ERBB4: variants seen among roughly 807,000 people sequenced by gnomAD.
ERBB4 encodes receptor tyrosine-protein kinase erbB-4.
A neutral mutation model predicts 158.0 loss-of-function variants in ERBB4; 42 were observed. That is an observed-to-expected ratio of 0.27 (90% CI 0.21 to 0.34). The LOEUF is 0.34. Ranked by LOEUF, ERBB4 falls within the 10% of genes least tolerant of loss-of-function variation. The pLI is 1.00. For missense variants in ERBB4, 1,333 were observed against 1,624.1 expected (o/e 0.82, Z 3.08); for synonymous variants, 583 against 558.7 (o/e 1.04, Z -0.61).
chr2:211,463,264 C>T (rs1296640405), intron 20 of ERBB4, among the ~76,000 whole-genome samples: 1 of 152,092 alleles, frequency 6.6e-6, no homozygotes, highest in Non-Finnish European at 1.5e-5. Context: ...TTCAAGGATT[C>T]CTGGCTCAAA....
intron 19 of ERBB4, among the ~76,000 whole-genome samples, chr2:211,615,392 T>C (rs942250107): frequency 1.3e-5 from 2 of 152,096 alleles, no homozygotes; most frequent in African/African-American, 4.8e-5. Flanking sequence ...GAAATGGTTC[T>C]GTCTGAAACA....
At chr2:211,762,840 C>G (rs1372833892) in intron 4 of ERBB4, among the ~76,000 whole-genome samples, 1 of 152,198 alleles carries the variant, frequency 6.6e-6, no homozygotes, top group East Asian at 1.9e-4. Context: ...AACCCCAATC[C>G]TAGTTTTCTC....
intron 1 of ERBB4, among the ~76,000 whole-genome samples, chr2:212,535,173 TA>T (rs1692977116): frequency 6.6e-6 from 1 of 152,068 alleles, no homozygotes; most frequent in East Asian, 1.9e-4. Flanking sequence ...GCAGTTATAC[TA>T]ACAGATATTT....
intron 1 of ERBB4, among the ~76,000 whole-genome samples, chr2:212,330,758 C>A (rs2088100726): frequency 2.0e-5 from 3 of 151,836 alleles, no homozygotes; most frequent in African/African-American, 4.8e-5. Flanking sequence ...TTAGAGATAA[C>A]TACTGTGTAA....
chr2:211,906,692 T>TGC (rs1274106249), intron 3 of ERBB4, among the ~76,000 whole-genome samples: 1 of 151,476 alleles, frequency 6.6e-6, no homozygotes, highest in Non-Finnish European at 1.5e-5. Flanking sequence ...TTTCTGATCC[T>TGC]CTCCCTCCTC....
rs143251275 is a variant in ERBB4, at chr2:211,387,081, T to C, written c.3253A>G (p.Thr1085Ala). The change falls in exon 27 of 28, where the codon ACT (threonine) becomes GCT (alanine). Residue 1085 changes from threonine (T) to alanine (A), a missense_variant. By Grantham distance (58) the Thr-to-Ala change is moderately conservative. Coordinates refer to ENST00000342788, the MANE Select transcript of ERBB4 (RefSeq NM_005235.3). ...ACAGGAGCTTCTGGAATTGTGCTAG[T>C]TGGGGCTCTGTAGGGCACAGACACT... ...QGVSVPYRAP[T>A]STIPEAPVAQ... 5.4e-5 allele frequency: 87 copies of C among 1,613,882 alleles called. No homozygotes were observed. Among genetic ancestry groups the C allele is most frequent in the Non-Finnish European group, 7.2e-5 (85 of 1,179,918 alleles).
intron 5 of ERBB4, among the ~76,000 whole-genome samples, chr2:211,736,645 A>G (rs1193213449): frequency 6.6e-6 from 1 of 152,154 alleles, no homozygotes; most frequent in African/African-American, 2.4e-5. Flanking sequence ...AGGATTCTAG[A>G]GGATATGGAA....
At chr2:211,745,622 C>A (rs988254389) in intron 5 of ERBB4, among the ~76,000 whole-genome samples, 3 of 150,482 alleles carry the variant, frequency 2.0e-5, no homozygotes, top group African/African-American at 7.3e-5. Context: ...ATAATATCGG[C>A]TATTATTGAT....
chr2:212,536,344 G>C (rs1386310985), intron 1 of ERBB4, among the ~76,000 whole-genome samples: 1 of 152,120 alleles, frequency 6.6e-6, no homozygotes, highest in Non-Finnish European at 1.5e-5. Context: ...AAGTCCCCCG[G>C]GGCATTTACA....
At chr2:212,353,485 A>G (rs1398229016) in intron 1 of ERBB4, among the ~76,000 whole-genome samples, 1 of 150,518 alleles carries the variant, frequency 6.6e-6, no homozygotes, top group Non-Finnish European at 1.5e-5. Context: ...TAAAATACAA[A>G]TTATTTCCTA....
rs367731197 is a variant in ERBB4, at chr2:212,222,362, T to C, written c.83-97459A>G. Reference sequence around the variant, plus strand: ...CATTCACATTTAAAAAATTACACAGTATATGAATTTTAGTAAATAAAATTA... The same window carrying C: ...CATTCACATTTAAAAAATTACACAGCATATGAATTTTAGTAAATAAAATTA... On this transcript the variant is annotated intron_variant, in intron 1 of 27. Transcript: ENST00000342788. Among the ~76,000 whole-genome samples the C allele has an allele frequency of 3.3e-5, 5 of 151,686 alleles. No individual in the cohort carries two copies. The South Asian group carries it at 1.0e-3, about 31-fold the overall frequency.
intron 3 of ERBB4, 113 bp from the exon 4 acceptor site, chr2:211,788,272 T>G: frequency 1.4e-6 from 1 of 740,230 alleles, no homozygotes; most frequent in Non-Finnish European, 2.4e-6. Flanking sequence ...AGAGTCATGT[T>G]GCTAATAGCC....
At chr2:211,772,846 TATATATATATATATATATATATAC>T (rs1559504310) in intron 4 of ERBB4, among the ~76,000 whole-genome samples, 79 of 60,778 alleles carry the variant, frequency 1.3e-3, no homozygotes, top group Middle Eastern at 7.9e-3. Context: ...CACATATATA[TATATATATATATATATATATATAC>T]ACATATATAT....
chr2:212,302,908 A>C (rs1255885049), intron 1 of ERBB4, among the ~76,000 whole-genome samples: 1 of 151,542 alleles, frequency 6.6e-6, no homozygotes, highest in Non-Finnish European at 1.5e-5. Flanking sequence ...AACAAGTAAT[A>C]GAGGAGATTC....
At position 211,380,942 on chromosome 2, in the gene ERBB4, A is replaced by T. The variant is rs2062564426; in HGVS notation, c.*2673T>A. The T allele has an allele frequency of 8.6e-6, 2 of 232,282 alleles. No homozygotes were observed. The highest frequency in any genetic ancestry group is 4.4e-5 in the African/African-American group (2 of 45,394). The allele number at this position is 232,282 out of a possible 1,614,324, so 14.4% of individuals were successfully genotyped here. A position where few individuals can be genotyped will look rare whatever the true frequency, so the allele number is the denominator to read the frequency against. On this transcript the variant is annotated 3_prime_UTR_variant, in exon 28 of 28. Coordinates refer to ENST00000342788, the MANE Select transcript of ERBB4 (RefSeq NM_005235.3). ...CAGTAGAAACCATATGCATATTGTA[A>T]ATCAGAAAAAAAAAATCAAGGTATA... is the stretch of plus-strand genomic sequence containing the variant.
chr2:211,585,669 A>G (rs2068254191), intron 19 of ERBB4, among the ~76,000 whole-genome samples: 1 of 152,126 alleles, frequency 6.6e-6, no homozygotes, highest in Non-Finnish European at 1.5e-5. Context: ...CTTAGAATGG[A>G]TAAGTTGAGA....
intron 20 of ERBB4, among the ~76,000 whole-genome samples, chr2:211,509,764 C>G (rs1463109305): frequency 2.0e-5 from 3 of 151,972 alleles, no homozygotes; most frequent in Non-Finnish European, 4.4e-5. Context: ...TAACCAAACC[C>G]ATTAAAAAGT....
chr2:211,866,668 G>T (rs1403313946), intron 3 of ERBB4, among the ~76,000 whole-genome samples: 1 of 151,972 alleles, frequency 6.6e-6, no homozygotes, highest in Admixed American at 6.6e-5. Context: ...CAGTAAAACA[G>T]CATTAGTTGA....
In ERBB4 at chr2:211,863,471, C is replaced by A. The variant is rs1299510849; in HGVS notation, c.422-75312G>T. Among the ~76,000 whole-genome samples the A allele has an allele frequency of 2.0e-5, 3 of 152,306 alleles. No homozygotes were observed. The South Asian group carries it at 6.2e-4, about 32-fold the overall frequency. The stretch of plus-strand genomic sequence containing the variant: ...TTGCTCACTTTTTGTGTCCGCACTA[C>A]CTTTATGAGCTGTAACACTTACCAC... On this transcript the variant is annotated intron_variant, in intron 3 of 27. Transcript: ENST00000342788.
Sources: gnomAD v4.1 joint callset for allele counts (sites outside exome capture counted in the v4.1 genomes callset) on GRCh38, gnomAD v4.1.1 for gene constraint, MANE v1.5 for transcripts, NCBI Gene and HGNC (gene_info 2026-07-23, HGNC 2026-07-21) for gene names.